Variants in CENPO observed in about 807,000 individuals in gnomAD.
The protein encoded by CENPO is centromere protein O, also known as centromeric protein O.
CENPO carries 30 observed loss-of-function variants against 36.1 expected under a neutral mutation model. The ratio of observed to expected loss-of-function variants is 0.83; its 90% CI spans 0.62 to 1.13. The LOEUF (loss-of-function observed/expected upper bound fraction) is 1.13, where lower values mean the gene tolerates loss of function less well. Ranked by LOEUF, CENPO falls within the 50% of genes most tolerant of loss-of-function variation. CENPO has a pLI of 0.00. For missense variants in CENPO, 349 were observed against 357.8 expected, an observed-to-expected ratio of 0.98 and a Z score of 0.20; for synonymous variants, 171 against 142.3, an observed-to-expected ratio of 1.20 and a Z score of -1.44.
chr2:24,816,061 C>T (rs1273723099), intron 5 of CENPO: 10 of 376,462 alleles, frequency 2.7e-5, no homozygotes, highest in Non-Finnish European at 4.4e-5. Flanking sequence ...GGATTTATGG[C>T]GTGCCTACTA....
chr2:24,793,661 G>C, intron 1 of CENPO, 160 bp downstream of exon 1: 2 of 1,212,952 alleles, frequency 1.6e-6, no homozygotes, highest in Non-Finnish European at 2.3e-6. Flanking sequence ...CCGCGGGATG[G>C]GCGCGGGGGT....
In CENPO at chr2:24,815,774, T is replaced by A; in HGVS notation, c.594+18T>A. ...GGCTTCAGGTATCTCTCTGGGATGTTATATGCCTCATCCGTGGGCCCAAGA... is the reference window on the plus strand; with the variant it reads ...GGCTTCAGGTATCTCTCTGGGATGTAATATGCCTCATCCGTGGGCCCAAGA... On this transcript the variant is annotated intron_variant, in intron 5 of 7. Transcript: ENST00000380834. 1 of 1,611,424 alleles carries A rather than the reference T, an allele frequency of 6.2e-7. No homozygotes were observed. Among genetic ancestry groups the A allele is most frequent in the Non-Finnish European group, 8.5e-7 (1 of 1,177,710 alleles).
chr2:24,806,304 A>G (rs758201283), intron 3 of CENPO, among the ~76,000 whole-genome samples: 2 of 152,176 alleles, frequency 1.3e-5, no homozygotes, highest in Non-Finnish European at 2.9e-5. Flanking sequence ...GCTTTGGCTC[A>G]CACTCGGTGT....
chr2:24,807,658 C>T (rs984482798), intron 3 of CENPO, among the ~76,000 whole-genome samples: 3 of 152,098 alleles, frequency 2.0e-5, no homozygotes, highest in Non-Finnish European at 2.9e-5. Flanking sequence ...TGGGTATATG[C>T]CTAGTAGAAT....
intron 2 of CENPO, among the ~76,000 whole-genome samples, chr2:24,798,643 G>A (rs1450074977): frequency 6.6e-6 from 1 of 151,930 alleles, no homozygotes; most frequent in African/African-American, 2.4e-5. Context: ...TGTGTTTTTG[G>A]TAGAGACGGG....
At chr2:24,811,467 TG>T (rs200153855) in intron 3 of CENPO, among the ~76,000 whole-genome samples, 8,958 of 148,038 alleles carry the variant, frequency 0.061, 298 homozygotes, top group Non-Finnish European at 0.078. Context: ...TTTTGTTTTT[TG>T]TTTTTTTTTT....
At chr2:24,798,760 C>T (rs766838263) in intron 2 of CENPO, among the ~76,000 whole-genome samples, 4 of 151,412 alleles carry the variant, frequency 2.6e-5, no homozygotes, top group Non-Finnish European at 2.9e-5. Flanking sequence ...GTACCCGGCC[C>T]GATCTCACAT....
intron 3 of CENPO, among the ~76,000 whole-genome samples, chr2:24,813,109 G>T (rs1397574673): frequency 2.0e-5 from 3 of 151,930 alleles, no homozygotes; most frequent in Non-Finnish European, 2.9e-5. Flanking sequence ...AGCGAGGCGT[G>T]GTGGCGCACA....
chr2:24,820,704 A>G lies in CENPO; in HGVS notation c.*1386A>G. On this transcript the variant is annotated 3_prime_UTR_variant, in exon 8 of 8. Transcript: ENST00000380834. ...CTCATGCCGAGTCTGAGCACGTGCC[A>G]GCTGTGCCACTGGACATACCTGAAT... 1 of 1,613,708 alleles carries G rather than the reference A, an allele frequency of 6.2e-7. No homozygotes were observed. Among genetic ancestry groups the G allele is most frequent in the Non-Finnish European group, 8.5e-7 (1 of 1,179,764 alleles).
intron 7 of CENPO, 137 bp from the exon 8 acceptor site, chr2:24,819,217 T>TACCTGTAAATTCTCTTA (rs1353004797): frequency 3.3e-5 from 5 of 152,634 alleles, no homozygotes; most frequent in Admixed American, 2.6e-4. Flanking sequence ...TCTTTATCAA[T>TACCTGTAAATTCTCTTA]ACCTGTAAAT....
intron 3 of CENPO, among the ~76,000 whole-genome samples, chr2:24,804,470 G>A (rs1275200071): frequency 6.6e-6 from 1 of 152,128 alleles, no homozygotes; most frequent in Admixed American, 6.5e-5. Context: ...GGTACCGGTT[G>A]TTCCTTTCCA....
intron 3 of CENPO, among the ~76,000 whole-genome samples, chr2:24,808,569 A>T (rs948747527): frequency 6.6e-6 from 1 of 152,132 alleles, no homozygotes; most frequent in Non-Finnish European, 1.5e-5. Context: ...TGATATTATG[A>T]TATTAAATTT....
At chr2:24,810,094 G>A (rs1352590129) in intron 3 of CENPO, among the ~76,000 whole-genome samples, 4 of 149,842 alleles carry the variant, frequency 2.7e-5, no homozygotes, top group Admixed American at 2.7e-4. Flanking sequence ...TTGTCTACTT[G>A]TTTTATTACT....
rs772676918 is a variant in CENPO at position 24,820,086 on chromosome 2, C to T, written c.*768C>T. 1.3e-5 allele frequency: 20 copies of T among 1,483,048 alleles called. No individual in the cohort carries two copies. The highest frequency in any genetic ancestry group is 8.5e-5 in the South Asian group (7 of 82,684). The allele number at this position is 1,483,048 out of a possible 1,614,324, so 91.9% of individuals were successfully genotyped here. ...CCTCACAAAGCGGAAGCCGTACTCT[C>T]GGAGGATGACTTGGGTTTCTTCTAC... On this transcript the variant is annotated 3_prime_UTR_variant, in exon 8 of 8. Transcript: ENST00000380834.
At chr2:24,803,700 G>A (rs1558372817) in intron 3 of CENPO, among the ~76,000 whole-genome samples, 1 of 152,152 alleles carries the variant, frequency 6.6e-6, no homozygotes, top group African/African-American at 2.4e-5. Flanking sequence ...GAGACAGTTT[G>A]TTATAATTTC....
At chr2:24,799,523 T>G (rs1666066303) in intron 2 of CENPO, 152 bp from the exon 3 acceptor site, 1 of 652,490 alleles carries the variant, frequency 1.5e-6, no homozygotes, top group East Asian at 2.6e-5. Context: ...GCTCCCCTGG[T>G]TTTATAAATT....
At chr2:24,814,777 C>T (rs1666866482) in intron 4 of CENPO, 1 of 332,994 alleles carries the variant, frequency 3.0e-6, no homozygotes, top group South Asian at 5.2e-5. Flanking sequence ...AGACCTTGTA[C>T]TAGAACTGTC....
At chr2:24,804,218 G>T (rs1196414919) in intron 3 of CENPO, among the ~76,000 whole-genome samples, 1 of 152,028 alleles carries the variant, frequency 6.6e-6, no homozygotes, top group Non-Finnish European at 1.5e-5. Context: ...TTGAGCCTAA[G>T]TGTGTCTCTG....
chr2:24,818,894 G>A (rs188928663), intron 7 of CENPO, among the ~76,000 whole-genome samples: 5 of 152,370 alleles, frequency 3.3e-5, no homozygotes, highest in Admixed American at 2.0e-4. Flanking sequence ...CCAAGGCCAC[G>A]TTCAGACTTA....
Sources: allele counts gnomAD v4.1 joint callset (sites outside exome capture counted in the v4.1 genomes callset), GRCh38; gene constraint gnomAD v4.1.1; transcripts MANE v1.5; gene names NCBI Gene and HGNC (gene_info 2026-07-23, HGNC 2026-07-21).